INTS6: variants seen among roughly 807,000 people sequenced by gnomAD.
INTS6 encodes integrator complex subunit 6.
Under a neutral mutation model 104.9 loss-of-function variants are expected in INTS6, and 16 were observed. That is an observed-to-expected ratio of 0.15 (90% confidence interval 0.10 to 0.23). INTS6 has a LOEUF of 0.23. Ranked by LOEUF, INTS6 falls within the 10% of genes least tolerant of loss-of-function variation. The pLI, the probability that INTS6 is intolerant of heterozygous loss-of-function variation, is 1.00. For missense variants in INTS6, 584 were observed against 1,062.8 expected (o/e 0.55, Z 6.26); for synonymous variants, 324 against 358.7 (o/e 0.90, Z 1.09).
At chr13:51,404,103 C>CACACACACACACAGAGAGAGAG (rs1491389220) in intron 4 of INTS6, among the ~76,000 whole-genome samples, 1 of 103,954 alleles carries the variant, frequency 9.6e-6, no homozygotes, top group Non-Finnish European at 2.0e-5. Context: ...CACACACACA[C>CACACACACACACAGAGAGAGAG]AGAGAGAGAG....
chr13:51,426,974 G>A (rs1312067477), intron 4 of INTS6, among the ~76,000 whole-genome samples: 1 of 152,022 alleles, frequency 6.6e-6, no homozygotes, highest in African/African-American at 2.4e-5. Flanking sequence ...CTGACTCCCT[G>A]GATCTCAATT....
chr13:51,402,467 T>C (rs1956456744), intron 4 of INTS6: 1 of 152,206 alleles, frequency 6.6e-6, no homozygotes, highest in Non-Finnish European at 1.5e-5. Flanking sequence ...GGGCCTTTAT[T>C]AGAATCTTAT....
intron 5 of INTS6, among the ~76,000 whole-genome samples, chr13:51,394,288 T>A (rs1414241155): frequency 6.6e-6 from 1 of 152,222 alleles, no homozygotes; most frequent in Non-Finnish European, 1.5e-5. Flanking sequence ...AAAGCATTTC[T>A]ATAAAATGAA....
intron 4 of INTS6, among the ~76,000 whole-genome samples, chr13:51,400,889 ATTAAAT>A (rs2137988938): frequency 6.6e-6 from 1 of 152,322 alleles, no homozygotes; most frequent in East Asian, 1.9e-4. Flanking sequence ...TGTTTCACTT[ATTAAAT>A]TTTTTAAAAT....
chr13:51,436,365 G>C (rs1952687001), intron 3 of INTS6: 1 of 152,106 alleles, frequency 6.6e-6, no homozygotes, highest in African/African-American at 2.4e-5. Flanking sequence ...AAACATGTTA[G>C]AATTCCACAG....
chr13:51,401,792 G>C (rs1455543036), intron 4 of INTS6, among the ~76,000 whole-genome samples: 1 of 152,102 alleles, frequency 6.6e-6, no homozygotes, highest in Non-Finnish European at 1.5e-5. Flanking sequence ...ACCCAGGTAA[G>C]TCTGGCTCTT....
chr13:51,341,305 A>G, the INTS6 span: 1 of 1,612,374 alleles, frequency 6.2e-7, no homozygotes, highest in Non-Finnish European at 8.5e-7. Context: ...AGAAGGGAGC[A>G]CTGGTCAGCA....
At chr13:51,335,122 G>T in the INTS6 span, among the ~76,000 whole-genome samples, 1 of 151,902 alleles carries the variant, frequency 6.6e-6, no homozygotes, top group Admixed American at 6.6e-5. Context: ...ATGAGAGAAG[G>T]GTCACTACAC....
chr13:51,428,703 ACATGT>A (rs1957030329), intron 4 of INTS6, among the ~76,000 whole-genome samples: 1 of 152,184 alleles, frequency 6.6e-6, no homozygotes, highest in East Asian at 1.9e-4. Context: ...AATTGGCTGT[ACATGT>A]CAACTAATCT....
At chr13:51,430,150 C>G (rs1957065081) in intron 4 of INTS6, 144 bp downstream of exon 4, 2 of 633,416 alleles carry the variant, frequency 3.2e-6, no homozygotes, top group East Asian at 2.7e-5. Context: ...CTGCTACAAA[C>G]AAAGATGGGC....
chr13:51,339,002 G>C, the INTS6 span, among the ~76,000 whole-genome samples: 26 of 152,134 alleles, frequency 1.7e-4, no homozygotes, highest in Admixed American at 6.5e-4. Context: ...TGATCACAAG[G>C]ACAGACTTTT....
chr13:51,401,502 G>A (rs949611484), intron 4 of INTS6, among the ~76,000 whole-genome samples: 3 of 152,250 alleles, frequency 2.0e-5, no homozygotes, highest in Non-Finnish European at 4.4e-5. Flanking sequence ...GCTGTTTTCT[G>A]AGAGTTAATC....
At chr13:51,371,381 T>C (rs185312808) in intron 15 of INTS6, among the ~76,000 whole-genome samples, 32 of 152,312 alleles carry the variant, frequency 2.1e-4, no homozygotes, top group South Asian at 4.1e-4. Context: ...ACTTTGACTC[T>C]AGCAATTCCT....
intron 10 of INTS6, among the ~76,000 whole-genome samples, chr13:51,380,341 G>A (rs1331115075): frequency 1.3e-5 from 2 of 152,002 alleles, no homozygotes; most frequent in African/African-American, 2.4e-5. Context: ...TTTGTGAATC[G>A]GATAGAGCCA....
chr13:51,421,854 A>G (rs905861855), intron 4 of INTS6, among the ~76,000 whole-genome samples: 1 of 152,052 alleles, frequency 6.6e-6, no homozygotes, highest in African/African-American at 2.4e-5. Flanking sequence ...ACACAGAGTA[A>G]AACACACACA....
At chr13:51,386,718 C>A (rs1024347483) in intron 7 of INTS6, among the ~76,000 whole-genome samples, 1 of 151,970 alleles carries the variant, frequency 6.6e-6, no homozygotes, top group African/African-American at 2.4e-5. Flanking sequence ...AGAACCACTG[C>A]CATGCTCTCC....
the INTS6 span, among the ~76,000 whole-genome samples, chr13:51,342,563 A>T: frequency 5.3e-5 from 8 of 152,178 alleles, no homozygotes; most frequent in African/African-American, 1.9e-4. Flanking sequence ...ATGTGCATGG[A>T]CAAACTAGGC....
intron 13 of INTS6, 30 bp from the exon 14 acceptor site, chr13:51,374,826 G>C (rs1280265994): frequency 2.5e-6 from 4 of 1,607,104 alleles, no homozygotes; most frequent in African/African-American, 1.3e-5. Context: ...AGCAAAAAAA[G>C]TTAACCTCCA....
intron 4 of INTS6, among the ~76,000 whole-genome samples, chr13:51,417,676 C>T (rs961442697): frequency 6.6e-6 from 1 of 152,030 alleles, no homozygotes; most frequent in African/African-American, 2.4e-5. Flanking sequence ...AGGCTGGTCT[C>T]GAACTCCTGA....
Sources: gnomAD v4.1 joint callset for allele counts (sites outside exome capture counted in the v4.1 genomes callset) on GRCh38, gnomAD v4.1.1 for gene constraint, MANE v1.5 for transcripts, NCBI Gene and HGNC (gene_info 2026-07-23, HGNC 2026-07-21) for gene names.